Variants in RAD51B observed in about 807,000 individuals in gnomAD.
RAD51B encodes RAD51 paralog B, also known as DNA repair protein RAD51 homolog 2.
A neutral mutation model predicts 42.2 loss-of-function variants in RAD51B; 38 were observed. The observed-to-expected ratio is 0.90, with a 90% CI of 0.70 to 1.18. The LOEUF is 1.18. Ranked by LOEUF, RAD51B falls within the 50% of genes most tolerant of loss-of-function variation. RAD51B has a pLI of 0.00. For missense variants in RAD51B, 373 were observed against 400.7 expected (o/e 0.93, Z 0.59); for synonymous variants, 154 against 145.2 (o/e 1.06, Z -0.43).
At chr14:68,500,096 C>G (rs1366039763) in intron 10 of RAD51B, among the ~76,000 whole-genome samples, 1 of 152,140 alleles carries the variant, frequency 6.6e-6, no homozygotes, top group Admixed American at 6.5e-5. Context: ...CTCTTGCGTT[C>G]CTCATACATT....
intron 7 of RAD51B, among the ~76,000 whole-genome samples, chr14:67,961,845 G>A (rs72725144): frequency 6.6e-6 from 1 of 152,046 alleles, no homozygotes; most frequent in Non-Finnish European, 1.5e-5. Flanking sequence ...AGGAAATTCA[G>A]ATAGGCAAAA....
At position 68,273,414 on chromosome 14, in the gene RAD51B, A is replaced by G. The variant is rs143606162; in HGVS notation, c.757-18470A>G. Among the ~76,000 whole-genome samples the G allele has an allele frequency of 1.4e-3, 208 of 152,368 alleles. 5 individuals carry two copies. In the East Asian group the frequency reaches 0.038, roughly 28 times the overall value. On this transcript the variant is annotated intron_variant, in intron 7 of 10. Coordinates refer to ENST00000471583, the MANE Select transcript of RAD51B (RefSeq NM_133510.4). ...TAGAATGCCAAATTATTGATCCTAC[A>G]GTGTAAAATTAAGCTGTTCTATCCA...
At chr14:68,557,925 T>G (rs1566936953) in intron 10 of RAD51B, among the ~76,000 whole-genome samples, 2 of 149,454 alleles carry the variant, frequency 1.3e-5, no homozygotes, top group Non-Finnish European at 3.0e-5. Flanking sequence ...GGTGCAAATT[T>G]TAAAAAGATG....
At chr14:67,853,577 A>G (rs1323332935) in intron 4 of RAD51B, among the ~76,000 whole-genome samples, 1 of 152,212 alleles carries the variant, frequency 6.6e-6, no homozygotes, top group Non-Finnish European at 1.5e-5. Context: ...GAAGGTGCCT[A>G]ATTAACTGCA....
At chr14:68,591,949 C>T (rs1369750332) in intron 10 of RAD51B, among the ~76,000 whole-genome samples, 1 of 152,154 alleles carries the variant, frequency 6.6e-6, no homozygotes, top group African/African-American at 2.4e-5. Context: ...TGTCTCACCA[C>T]CTAGGACTGT....
chr14:68,309,455 T>C (rs111902645), intron 8 of RAD51B, among the ~76,000 whole-genome samples: 2 of 151,994 alleles, frequency 1.3e-5, no homozygotes, highest in Non-Finnish European at 2.9e-5. Flanking sequence ...TATTTTCAGG[T>C]AGAGAAGAAA....
chr14:68,622,189 T>C (rs61987071), intron 10 of RAD51B, among the ~76,000 whole-genome samples: 24,405 of 152,166 alleles, frequency 0.16, 2,314 homozygotes, highest in Middle Eastern at 0.22. Context: ...GTCCTGGCTG[T>C]CTCAGGAGCA....
At chr14:68,358,768 G>T (rs1430140776) in intron 8 of RAD51B, among the ~76,000 whole-genome samples, 1 of 152,196 alleles carries the variant, frequency 6.6e-6, no homozygotes, top group Non-Finnish European at 1.5e-5. Flanking sequence ...TCTTCAGTCA[G>T]ATCGTGTGAT....
intron 7 of RAD51B, among the ~76,000 whole-genome samples, chr14:67,894,777 T>C (rs2043352792): frequency 6.6e-6 from 1 of 152,114 alleles, no homozygotes; most frequent in South Asian, 2.1e-4. Flanking sequence ...AAATGTCCCA[T>C]TCTTTTTTTC....
intron 4 of RAD51B, among the ~76,000 whole-genome samples, chr14:67,836,430 G>T (rs115796399): frequency 6.6e-6 from 1 of 151,816 alleles, no homozygotes; most frequent in South Asian, 2.1e-4. Flanking sequence ...GCCACTTTTC[G>T]TCATTAGAAG....
chr14:68,309,783 A>G (rs1035742336), intron 8 of RAD51B, among the ~76,000 whole-genome samples: 5 of 152,172 alleles, frequency 3.3e-5, no homozygotes, highest in African/African-American at 1.2e-4. Context: ...TCTGCCAAAG[A>G]CATGGTGAGG....
intron 7 of RAD51B, among the ~76,000 whole-genome samples, chr14:68,067,228 C>T (rs1211806171): frequency 6.6e-6 from 1 of 151,770 alleles, no homozygotes; most frequent in Non-Finnish European, 1.5e-5. Context: ...TTTGGGAGGC[C>T]GAGGTGGGCA....
intron 7 of RAD51B, among the ~76,000 whole-genome samples, chr14:67,948,789 G>A (rs1337343397): frequency 2.6e-5 from 4 of 151,584 alleles, no homozygotes; most frequent in African/African-American, 7.3e-5. Context: ...AAAATTAGCC[G>A]GGCATGGTTG....
exon 11 of RAD51B, chr14:68,595,951 CTTT>C (rs11305606): frequency 1.4e-3 from 482 of 337,340 alleles, no homozygotes; most frequent in East Asian, 2.1e-3. Context: ...TTGGAATTGT[CTTT>C]TTTTTTTTTT....
intron 7 of RAD51B, among the ~76,000 whole-genome samples, chr14:68,268,067 A>C (rs944602087): frequency 3.3e-5 from 5 of 152,188 alleles, no homozygotes; most frequent in African/African-American, 1.2e-4. Context: ...GACTAACATA[A>C]AGCCTCTGAT....
At chr14:68,172,343 C>A (rs1268422039) in intron 7 of RAD51B, among the ~76,000 whole-genome samples, 1 of 152,220 alleles carries the variant, frequency 6.6e-6, no homozygotes, top group Non-Finnish European at 1.5e-5. Context: ...GACCACATTG[C>A]AAAATGTAAA....
At chr14:68,476,844 G>A (rs1029605094) in intron 10 of RAD51B, among the ~76,000 whole-genome samples, 49 of 152,216 alleles carry the variant, frequency 3.2e-4, no homozygotes, top group Admixed American at 3.1e-3. Flanking sequence ...AACAAATGTC[G>A]CCACAGAACT....
intron 7 of RAD51B, among the ~76,000 whole-genome samples, chr14:68,230,781 T>C (rs2080133442): frequency 6.6e-6 from 1 of 152,224 alleles, no homozygotes; most frequent in South Asian, 2.1e-4. Flanking sequence ...GTTCTTTTGT[T>C]TCCCAAGTAT....
intron 7 of RAD51B, among the ~76,000 whole-genome samples, chr14:67,988,831 T>G (rs572574158): frequency 6.6e-6 from 1 of 152,344 alleles, no homozygotes; most frequent in South Asian, 2.1e-4. Flanking sequence ...ACTATACACT[T>G]AGACTATTAT....
Sources: allele counts gnomAD v4.1 joint callset (sites outside exome capture counted in the v4.1 genomes callset), GRCh38; gene constraint gnomAD v4.1.1; transcripts MANE v1.5; gene names NCBI Gene and HGNC (gene_info 2026-07-23, HGNC 2026-07-21).